ESRRG: variants seen among roughly 807,000 people sequenced by gnomAD.
The protein encoded by ESRRG is estrogen related receptor gamma, also known as estrogen-related receptor gamma.
ESRRG carries 13 observed loss-of-function variants against 44.0 expected under a neutral mutation model. The observed-to-expected ratio is 0.30, with a 90% CI of 0.19 to 0.47. The LOEUF (loss-of-function observed/expected upper bound fraction) is 0.47. Ranked by LOEUF, ESRRG falls within the 20% of genes least tolerant of loss-of-function variation. ESRRG has a pLI of 1.00. For missense variants in ESRRG, 395 were observed against 580.6 expected (o/e 0.68, Z 3.29); for synonymous variants, 215 against 214.6 (o/e 1.00, Z -0.02).
chr1:217,071,688 C>T (rs1033958991), intron 1 of ESRRG, among the ~76,000 whole-genome samples: 3 of 152,128 alleles, frequency 2.0e-5, no homozygotes, highest in African/African-American at 7.2e-5. Context: ...CAAAAACCTC[C>T]AATAATGTCT....
chr1:216,625,203 T>C (rs1478580917), intron 3 of ESRRG, among the ~76,000 whole-genome samples: 1 of 152,050 alleles, frequency 6.6e-6, no homozygotes, highest in Non-Finnish European at 1.5e-5. Context: ...ATTCATGAAA[T>C]AATAACAATA....
At chr1:216,997,919 T>C (rs1163239933) in intron 1 of ESRRG, among the ~76,000 whole-genome samples, 3 of 152,222 alleles carry the variant, frequency 2.0e-5, no homozygotes, top group Admixed American at 2.0e-4. Flanking sequence ...TAAATCGCTT[T>C]CAGCAATTTC....
intron 1 of ESRRG, among the ~76,000 whole-genome samples, chr1:217,126,134 G>A (rs1483412832): frequency 6.6e-6 from 1 of 152,066 alleles, no homozygotes; most frequent in Non-Finnish European, 1.5e-5. Context: ...GACTAGTTGT[G>A]CGGTCATGGG....
intron 2 of ESRRG, among the ~76,000 whole-genome samples, chr1:216,742,874 CTTAAGAGT>C: frequency 6.8e-6 from 1 of 146,730 alleles, no homozygotes; most frequent in Middle Eastern, 3.5e-3. Flanking sequence ...AACCCTCAAA[CTTAAGAGT>C]TTAGGGAGAT....
chr1:216,827,450 C>T (rs1411004579), intron 2 of ESRRG, among the ~76,000 whole-genome samples: 3 of 152,126 alleles, frequency 2.0e-5, no homozygotes, highest in African/African-American at 7.2e-5. Flanking sequence ...TAGCTCTATC[C>T]CTCACTAACT....
intron 5 of ESRRG, among the ~76,000 whole-genome samples, chr1:216,563,337 G>A (rs756574111): frequency 7.2e-5 from 11 of 152,080 alleles, no homozygotes. Context: ...AGTTCGTTAC[G>A]ACTGTTAGCA....
At chr1:217,067,738 A>G (rs981677047) in intron 1 of ESRRG, among the ~76,000 whole-genome samples, 3 of 152,180 alleles carry the variant, frequency 2.0e-5, no homozygotes, top group Admixed American at 2.0e-4. Context: ...ACAGAGCTGT[A>G]TTAGGATCTT....
chr1:216,614,796 T>C (rs2061188499), intron 3 of ESRRG, among the ~76,000 whole-genome samples: 1 of 152,208 alleles, frequency 6.6e-6, no homozygotes, highest in South Asian at 2.1e-4. Context: ...ATTTTCTGTT[T>C]AGCTGGTGCA....
intron 2 of ESRRG, among the ~76,000 whole-genome samples, chr1:216,911,460 G>A (rs1310666259): frequency 6.6e-6 from 1 of 152,170 alleles, no homozygotes; most frequent in African/African-American, 2.4e-5. Context: ...AAGAATAGGT[G>A]CAACACAAAG....
At chr1:216,845,962 A>T (rs1431146520) in intron 2 of ESRRG, among the ~76,000 whole-genome samples, 2 of 152,168 alleles carry the variant, frequency 1.3e-5, no homozygotes, top group Non-Finnish European at 2.9e-5. Context: ...GAAATCGTCT[A>T]CAGAAGGCTC....
In ESRRG at chr1:216,589,032, G is replaced by A. The variant is rs1163265425; in HGVS notation, c.590-20934C>T. Among the ~76,000 whole-genome samples the A allele has an allele frequency of 2.0e-5, 3 of 152,148 alleles. No individual in the cohort carries two copies. In the East Asian group the frequency reaches 5.8e-4, roughly 29 times the overall value. On this transcript the variant is annotated intron_variant, in intron 3 of 6. Transcript: ENST00000408911. ...AGATTTTAAAGGAAAGAAAAACAGTGCACCTGACCAAAATGGAAAAACTGG... is the reference window on the plus strand; with the variant it reads ...AGATTTTAAAGGAAAGAAAAACAGTACACCTGACCAAAATGGAAAAACTGG...
intron 4 of ESRRG, among the ~76,000 whole-genome samples, chr1:216,567,281 A>G (rs2059844240): frequency 6.6e-6 from 1 of 152,198 alleles, no homozygotes; most frequent in Non-Finnish European, 1.5e-5. Flanking sequence ...GATTGCCTCA[A>G]TCTATATTCC....
chr1:216,631,544 A>G (rs1353548284), intron 3 of ESRRG, among the ~76,000 whole-genome samples: 7 of 152,156 alleles, frequency 4.6e-5, no homozygotes, highest in African/African-American at 1.7e-4. Context: ...AACATCATTT[A>G]ATTTTCTTCC....
intron 2 of ESRRG, among the ~76,000 whole-genome samples, chr1:216,790,677 G>A (rs1240184807): frequency 2.0e-5 from 3 of 152,072 alleles, no homozygotes; most frequent in African/African-American, 7.2e-5. Flanking sequence ...CTGGTAGAAG[G>A]GTAATAGGAA....
chr1:216,565,292 C>A (rs1162761827), intron 4 of ESRRG, among the ~76,000 whole-genome samples: 1 of 152,018 alleles, frequency 6.6e-6, no homozygotes, highest in East Asian at 1.9e-4. Flanking sequence ...TCTTGTTGGC[C>A]CTATTTTCAA....
chr1:216,742,360 T>C (rs956465202), intron 2 of ESRRG, among the ~76,000 whole-genome samples: 1 of 152,246 alleles, frequency 6.6e-6, no homozygotes, highest in Non-Finnish European at 1.5e-5. Context: ...CTAAAGACTG[T>C]TGGGGGAAGA....
At chr1:216,546,299 A>G (rs965027446) in intron 5 of ESRRG, among the ~76,000 whole-genome samples, 2 of 152,110 alleles carry the variant, frequency 1.3e-5, no homozygotes, top group Non-Finnish European at 1.5e-5. Flanking sequence ...TCCTAAATGA[A>G]TTATTCGTTG....
intron 1 of ESRRG, among the ~76,000 whole-genome samples, chr1:217,123,722 G>A (rs1275280994): frequency 6.6e-6 from 1 of 152,064 alleles, no homozygotes; most frequent in African/African-American, 2.4e-5. Context: ...ATGGACACAG[G>A]GAGGGGAAAA....
intron 2 of ESRRG, among the ~76,000 whole-genome samples, chr1:216,939,366 A>C (rs906040764): frequency 3.4e-5 from 5 of 145,856 alleles, no homozygotes; most frequent in South Asian, 2.2e-4. Context: ...AAAAAAAAAA[A>C]AAAACACTTT....
Sources: gnomAD v4.1 joint callset for allele counts (sites outside exome capture counted in the v4.1 genomes callset) on GRCh38, gnomAD v4.1.1 for gene constraint, MANE v1.5 for transcripts, NCBI Gene and HGNC (gene_info 2026-07-23, HGNC 2026-07-21) for gene names.